DPP4: variants seen among roughly 807,000 people sequenced by gnomAD.
The protein encoded by DPP4 is dipeptidyl peptidase 4, also known as ADCP-2.
A neutral mutation model predicts 122.4 loss-of-function variants in DPP4; 93 were observed. That is an observed-to-expected ratio of 0.76 (90% CI 0.64 to 0.90). The LOEUF is 0.90. Ranked by LOEUF, DPP4 falls within the 40% of genes least tolerant of loss-of-function variation. The pLI, the probability that DPP4 is intolerant of heterozygous loss-of-function variation, is 0.00. For missense variants in DPP4, 914 were observed against 907.3 expected (o/e 1.01, Z -0.09); for synonymous variants, 321 against 302.9 (o/e 1.06, Z -0.62).
At chr2:162,041,173 T>C (rs973481593) in intron 5 of DPP4, among the ~76,000 whole-genome samples, 1 of 152,108 alleles carries the variant, frequency 6.6e-6, no homozygotes, top group Non-Finnish European at 1.5e-5. Flanking sequence ...AAGATAAAAA[T>C]GTATATGATC....
intron 19 of DPP4, among the ~76,000 whole-genome samples, chr2:162,012,589 T>C (rs1040244124): frequency 1.3e-5 from 2 of 152,046 alleles, no homozygotes; most frequent in African/African-American, 2.4e-5. Flanking sequence ...CATTGGGCAT[T>C]CTATATACTA....
intron 2 of DPP4, among the ~76,000 whole-genome samples, chr2:162,058,098 C>T (rs1684641551): frequency 6.6e-6 from 1 of 152,062 alleles, no homozygotes; most frequent in Non-Finnish European, 1.5e-5. Flanking sequence ...CTAACTGGAG[C>T]CACCACGCCT....
chr2:162,059,383 C>T (rs182332004), intron 2 of DPP4, among the ~76,000 whole-genome samples: 3 of 152,230 alleles, frequency 2.0e-5, no homozygotes, highest in East Asian at 3.9e-4. Flanking sequence ...GGCATTAGGC[C>T]GTGAAATCCG....
intron 23 of DPP4, among the ~76,000 whole-genome samples, chr2:162,003,812 C>T (rs528343696): frequency 6.6e-6 from 1 of 151,926 alleles, no homozygotes; most frequent in Non-Finnish European, 1.5e-5. Context: ...TTCCTAAAGG[C>T]GAAGGCAAAG....
chr2:161,994,186 A>G lies in DPP4; in HGVS notation c.2199+775T>C, dbSNP rs531936517. ...TTTGAATAGTAGAAAAATAAACTTC[A>G]ACCTCTTATAAAACACTGACCCAAA... On this transcript the variant is annotated intron_variant, in intron 25 of 25. Coordinates refer to ENST00000360534, the MANE Select transcript of DPP4 (RefSeq NM_001935.4). Among the ~76,000 whole-genome samples the G allele has an allele frequency of 6.8e-4, 104 of 152,338 alleles. 1 individual carries two copies. The highest frequency in any genetic ancestry group is 2.4e-3 in the African/African-American group (101 of 41,580).
At chr2:162,036,100 T>A (rs150062046) in intron 8 of DPP4, among the ~76,000 whole-genome samples, 1 of 152,264 alleles carries the variant, frequency 6.6e-6, no homozygotes, top group African/African-American at 2.4e-5. Context: ...CACTGGCTCT[T>A]AATATGTTGA....
At chr2:162,002,001 T>C (rs1559704514) in intron 23 of DPP4, among the ~76,000 whole-genome samples, 1 of 152,172 alleles carries the variant, frequency 6.6e-6, no homozygotes, top group Non-Finnish European at 1.5e-5. Context: ...AGTTGGATGA[T>C]TATCTTCAAA....
chr2:162,044,463 TGTTGGTGTGTGAGC>T (rs1559720156), intron 5 of DPP4, among the ~76,000 whole-genome samples: 2 of 151,448 alleles, frequency 1.3e-5, no homozygotes, highest in Non-Finnish European at 1.5e-5. Flanking sequence ...GGTGTGTGAG[TGTTGGTGTGTGAGC>T]GTTGGTGTGT....
chr2:162,066,391 G>C (rs760496288), intron 2 of DPP4, among the ~76,000 whole-genome samples: 11 of 152,056 alleles, frequency 7.2e-5, no homozygotes, highest in Non-Finnish European at 1.3e-4. Context: ...AATGTGAAAA[G>C]ATCATGTCAC....
intron 12 of DPP4, among the ~76,000 whole-genome samples, chr2:162,021,172 G>A (rs1281044801): frequency 6.6e-6 from 1 of 151,964 alleles, no homozygotes; most frequent in East Asian, 1.9e-4. Flanking sequence ...ATTTCTTTTT[G>A]AAACTCAGAC....
chr2:162,003,997 T>C (rs1421348335), intron 23 of DPP4, among the ~76,000 whole-genome samples: 5 of 152,098 alleles, frequency 3.3e-5, no homozygotes. Flanking sequence ...GAGGGCTGTG[T>C]AAGTTTCTGA....
chr2:162,045,285 A>G (rs1359402925), intron 5 of DPP4, among the ~76,000 whole-genome samples: 3 of 152,194 alleles, frequency 2.0e-5, no homozygotes, highest in African/African-American at 4.8e-5. Context: ...TTATGTTATT[A>G]GTATATATTA....
At chr2:162,033,805 C>CCTTTTT in intron 9 of DPP4, 152 bp from the exon 10 acceptor site, 1 of 444,472 alleles carries the variant, frequency 2.2e-6, no homozygotes, top group Middle Eastern at 6.4e-4. Flanking sequence ...ATAAAATGAA[C>CCTTTTT]ATAAGGGAGA....
Position 162,074,069 on chromosome 2 carries a change from T to G in DPP4, c.-88A>C. ...GGCGGAGACGCGCGTCCTGCACCGCTGCTCCGGGCGGTGGAGTCACTCGCC... is the reference window on the plus strand; with the variant it reads ...GGCGGAGACGCGCGTCCTGCACCGCGGCTCCGGGCGGTGGAGTCACTCGCC... On this transcript the variant is annotated 5_prime_UTR_variant, in exon 1 of 26. Coordinates refer to ENST00000360534, the MANE Select transcript of DPP4 (RefSeq NM_001935.4). 1.3e-6 allele frequency: 2 copies of G among 1,536,610 alleles called. No individual in the cohort carries two copies. Among genetic ancestry groups the G allele is most frequent in the South Asian group, 2.5e-5 (2 of 80,298 alleles).
At chr2:162,069,537 A>G (rs1685049093) in intron 2 of DPP4, among the ~76,000 whole-genome samples, 1 of 152,220 alleles carries the variant, frequency 6.6e-6, no homozygotes, top group African/African-American at 2.4e-5. Flanking sequence ...GGCATATGCT[A>G]TGGCTAGGGA....
intron 25 of DPP4, among the ~76,000 whole-genome samples, chr2:161,994,063 T>G (rs1700932724): frequency 6.6e-6 from 1 of 152,240 alleles, no homozygotes; most frequent in South Asian, 2.1e-4. Flanking sequence ...GATTCATACC[T>G]TGTTAAATAA....
intron 2 of DPP4, among the ~76,000 whole-genome samples, chr2:162,066,024 T>C (rs1239886074): frequency 6.6e-6 from 1 of 152,176 alleles, no homozygotes; most frequent in Non-Finnish European, 1.5e-5. Flanking sequence ...GAGGTGTTCC[T>C]GAGCACATCC....
intron 14 of DPP4, 42 bp from the exon 15 acceptor site, chr2:162,019,318 T>G (rs1367519027): frequency 7.2e-7 from 1 of 1,384,244 alleles, no homozygotes; most frequent in African/African-American, 1.5e-5. Flanking sequence ...ATTATGTTTT[T>G]TAAGAAGTCA....
rs200487335 is a variant in DPP4 at position 162,005,759 on chromosome 2, G to T, written c.2038C>A (p.Leu680Ile). ...YMGLPTPEDN[L>I]DHYRNSTVMS... ...TCATCTCTTACTCTGTAATGGTCAA[G>T]GTTGTCTTCTGGAGTTGGGAGACCC... The change falls in exon 23 of 26, where the codon CTT becomes ATT. Residue 680 changes from leucine (L) to isoleucine (I), a missense_variant. Physicochemically the swap from Leu to Ile is conservative, Grantham distance 5. Transcript: ENST00000360534. 14 of 1,612,980 alleles carry T rather than the reference G, an allele frequency of 8.7e-6. No individual in the cohort carries two copies. The highest frequency in any genetic ancestry group is 1.2e-5 in the Non-Finnish European group (14 of 1,179,410).
Sources: gnomAD v4.1 joint callset for allele counts (sites outside exome capture counted in the v4.1 genomes callset) on GRCh38, gnomAD v4.1.1 for gene constraint, MANE v1.5 for transcripts, NCBI Gene and HGNC (gene_info 2026-07-23, HGNC 2026-07-21) for gene names.